Variants in MYH11 observed in about 807,000 individuals in gnomAD.
MYH11 encodes the protein myosin heavy chain 11, also known as myosin-11.
In MYH11, 80 loss-of-function variants were observed where a neutral mutation model predicts 246.6. That is an observed-to-expected ratio of 0.32 (90% CI 0.27 to 0.39). MYH11 has a LOEUF of 0.39. MYH11 is among the 10% of genes least tolerant of loss of function. The pLI, the probability that MYH11 is intolerant of heterozygous loss-of-function variation, is 1.00. For missense variants in MYH11, 2,158 were observed against 2,546.8 expected, an observed-to-expected ratio of 0.85 and a Z score of 3.29; for synonymous variants, 1,071 against 1,015.5, an observed-to-expected ratio of 1.05 and a Z score of -1.04.
At chr16:15,772,516 C>A (rs1444396124) in intron 8 of MYH11, among the ~76,000 whole-genome samples, 1 of 152,202 alleles carries the variant, frequency 6.6e-6, no homozygotes, top group Non-Finnish European at 1.5e-5. Flanking sequence ...TCCAACTCTA[C>A]CTTACTCCAT....
rs753096245 is a variant in MYH11 at position 15,735,476 on chromosome 16, G to A, written c.3396C>T (p.Ala1132=). The A allele has an allele frequency of 1.6e-5, 26 of 1,614,038 alleles. No individual in the cohort carries two copies. Among genetic ancestry groups the A allele is most frequent in the African/African-American group, 8.0e-5 (6 of 74,976 alleles). The part of the protein sequence containing the change: ...DLQEDLDSER[A]ARNKAEKQKR... ...TCTGCTTTTCAGCCTTGTTCCTGGC[G>A]GCCCGCTCTGAGTCCAGGTCCTCCT... Residue 1132 remains alanine, a synonymous_variant, in exon 26 of 41, where the codon GCC becomes GCT. Coordinates refer to ENST00000300036, the MANE Select transcript of MYH11 (RefSeq NM_002474.3).
intron 1 of MYH11, among the ~76,000 whole-genome samples, chr16:15,851,795 T>C (rs2044336222): frequency 6.6e-6 from 1 of 152,046 alleles, no homozygotes; most frequent in African/African-American, 2.4e-5. Context: ...CATAACACTA[T>C]TTTTTCCTCC....
intron 23 of MYH11, 41 bp downstream of exon 23, chr16:15,740,010 C>G (rs370068808): frequency 6.2e-7 from 1 of 1,608,666 alleles, no homozygotes; most frequent in East Asian, 2.2e-5. Context: ...CCAAAGTGCT[C>G]GGATTATAGG....
intron 35 of MYH11, 65 bp from the exon 36 acceptor site, chr16:15,719,373 C>G (rs1490101495): frequency 1.3e-6 from 2 of 1,561,514 alleles, no homozygotes; most frequent in Non-Finnish European, 1.7e-6. Flanking sequence ...AGAGTCCACC[C>G]TGACAACTCA....
intron 19 of MYH11, among the ~76,000 whole-genome samples, chr16:15,745,527 C>A (rs992861485): frequency 3.9e-5 from 6 of 152,032 alleles, no homozygotes; most frequent in African/African-American, 1.4e-4. Flanking sequence ...TGCATCATTC[C>A]TAAGGGGGCT....
chr16:15,756,249 G>A, intron 14 of MYH11, 92 bp downstream of exon 14: 1 of 1,437,974 alleles, frequency 7.0e-7, no homozygotes, highest in Non-Finnish European at 9.6e-7. Flanking sequence ...TTTCCAGGCA[G>A]CCCAAGGTTC....
chr16:15,721,360 T>C, intron 32 of MYH11, 62 bp downstream of exon 32: 1 of 1,551,396 alleles, frequency 6.4e-7, no homozygotes, highest in Non-Finnish European at 8.9e-7. Flanking sequence ...CATGGACTGG[T>C]GAATAGCACA....
In MYH11 at chr16:15,720,860, C is replaced by T. The variant is rs11648119; in HGVS notation, c.4770G>A (p.Lys1590=). ...LQARDEQNEE[K]RRQLQRQLHE... is the part of the protein sequence containing the mutation. ...GCACCTGTCTCTGCAGTTGCCTCCT[C>T]TTCTCCTCATTCTGCTCGTCCCGGG... The change falls in exon 33 of 41, where the codon AAG becomes AAA. Residue 1590 remains lysine (K), a synonymous_variant. Coordinates refer to ENST00000300036, the MANE Select transcript of MYH11 (RefSeq NM_002474.3). 28,841 of 1,613,842 alleles carry T rather than the reference C, an allele frequency of 0.018. 357 individuals carry two copies. Among genetic ancestry groups the T allele is most frequent in the Non-Finnish European group, 0.021 (25,193 of 1,180,024 alleles).
chr16:15,829,731 C>T (rs2043677652), intron 2 of MYH11, among the ~76,000 whole-genome samples: 1 of 152,148 alleles, frequency 6.6e-6, no homozygotes, highest in African/African-American at 2.4e-5. Flanking sequence ...TTCTCTGACG[C>T]TTTATATGGT....
intron 8 of MYH11, among the ~76,000 whole-genome samples, chr16:15,772,252 C>T (rs929382146): frequency 2.0e-5 from 3 of 151,764 alleles, no homozygotes; most frequent in Admixed American, 1.3e-4. Flanking sequence ...CCACCACGCC[C>T]GGCTAAATTT....
At chr16:15,737,285 T>C (rs545295179) in intron 25 of MYH11, among the ~76,000 whole-genome samples, 164 bp downstream of exon 25, 1 of 151,874 alleles carries the variant, frequency 6.6e-6, no homozygotes, top group South Asian at 2.1e-4. Flanking sequence ...TCTGGGGGAG[T>C]GAACAGGGTC....
At chr16:15,831,807 C>T (rs1007052326) in intron 2 of MYH11, among the ~76,000 whole-genome samples, 1 of 152,014 alleles carries the variant, frequency 6.6e-6, no homozygotes, top group African/African-American at 2.4e-5. Flanking sequence ...GGCGTGGTGG[C>T]ATGTGCCTGT....
rs530776751 is a variant in MYH11 at position 15,813,130 on chromosome 16, G to C, written c.502+10125C>G. 2.6e-5 allele frequency among the ~76,000 whole-genome samples: 4 copies of C among 152,228 alleles called. No homozygotes were observed. The South Asian group carries it at 6.2e-4, about 24-fold the overall frequency. On this transcript the variant is annotated intron_variant, in intron 3 of 40. Transcript: ENST00000300036. ...TGCAGTGAGCTGAGATCGTGCCATT[G>C]CACTCCAGCCTGGGTGACAGGGGTG...
chr16:15,740,361 AC>A (rs1409689773), intron 22 of MYH11, among the ~76,000 whole-genome samples, 173 bp from the exon 23 acceptor site: 1 of 152,038 alleles, frequency 6.6e-6, no homozygotes, highest in African/African-American at 2.4e-5. Flanking sequence ...TAATCCCAGC[AC>A]TTTTGGAGGC....
chr16:15,747,833 G>T, intron 18 of MYH11, 41 bp downstream of exon 18: 1 of 1,613,256 alleles, frequency 6.2e-7, no homozygotes, highest in Non-Finnish European at 8.5e-7. Flanking sequence ...GGTGGCTTGC[G>T]GCCAGAGGTT....
chr16:15,724,140 G>A lies in MYH11; in HGVS notation c.4365+21C>T, dbSNP rs752766218. On this transcript the variant is annotated intron_variant, in intron 31 of 40. Transcript: ENST00000300036. ...AACCCAGCGTCCATGGCCAGAGTGG[G>A]GGACACCCCACGCCCTCTACCTGAT... 18 of 1,612,082 alleles carry A rather than the reference G, an allele frequency of 1.1e-5. No individual in the cohort carries two copies. In the East Asian group the frequency reaches 3.6e-4, roughly 32 times the overall value.
chr16:15,705,484 G>A (rs144836188), intron 40 of MYH11, among the ~76,000 whole-genome samples: 7 of 152,326 alleles, frequency 4.6e-5, no homozygotes, highest in South Asian at 2.1e-4. Flanking sequence ...AGCCTTCACC[G>A]TTCAGAAGAA....
intron 30 of MYH11, 76 bp downstream of exon 30, chr16:15,724,571 C>CG: frequency 6.2e-7 from 1 of 1,610,774 alleles, no homozygotes; most frequent in Admixed American, 1.7e-5. Flanking sequence ...CACTCCACCG[C>CG]GATCTGCCTG....
chr16:15,753,999 C>T (rs1021629084), intron 14 of MYH11, among the ~76,000 whole-genome samples: 29 of 150,158 alleles, frequency 1.9e-4, no homozygotes, highest in Non-Finnish European at 2.8e-4. Context: ...TGAGGTCAGG[C>T]GTTCAAGACC....
Sources: allele counts gnomAD v4.1 joint callset (sites outside exome capture counted in the v4.1 genomes callset), GRCh38; gene constraint gnomAD v4.1.1; transcripts MANE v1.5; gene names NCBI Gene and HGNC (gene_info 2026-07-23, HGNC 2026-07-21).